Variants in NAV2 observed in about 807,000 individuals in gnomAD.
NAV2 encodes the protein neuron navigator 2, also known as helicase, APC down-regulated 1.
In NAV2, 54 loss-of-function variants were observed where a neutral mutation model predicts 223.2. The observed-to-expected ratio is 0.24, with a 90% CI of 0.19 to 0.30. The LOEUF is 0.30. Among genes scored for constraint, NAV2 ranks in the 10% least tolerant of loss-of-function variants. NAV2 has a pLI of 1.00. For synonymous variants in NAV2, 1,279 were observed against 1,239.3 expected (o/e 1.03, Z -0.67); for missense variants, 2,806 against 3,147.5 (o/e 0.89, Z 2.60).
chr11:19,454,198 G>A (rs1241115838), intron 1 of NAV2, among the ~76,000 whole-genome samples: 1 of 152,194 alleles, frequency 6.6e-6, no homozygotes, highest in Non-Finnish European at 1.5e-5. Context: ...GCTGGAAGAA[G>A]GGCTGTGTCT....
intron 11 of NAV2, among the ~76,000 whole-genome samples, chr11:19,996,534 T>A (rs956195819): frequency 4.6e-5 from 7 of 152,232 alleles, no homozygotes; most frequent in African/African-American, 1.7e-4. Flanking sequence ...ATAATATTTT[T>A]CTCTGAAGGA....
intron 1 of NAV2, among the ~76,000 whole-genome samples, chr11:19,490,310 G>C (rs1385637917): frequency 6.6e-6 from 1 of 152,140 alleles, no homozygotes; most frequent in Non-Finnish European, 1.5e-5. Context: ...TTTCACAAAA[G>C]ATTTCTCTGT....
At chr11:19,658,669 GC>G (rs1226499122) in intron 1 of NAV2, among the ~76,000 whole-genome samples, 1 of 152,104 alleles carries the variant, frequency 6.6e-6, no homozygotes, top group African/African-American at 2.4e-5. Context: ...CCCCGTGCAG[GC>G]TCTGACTGGC....
At chr11:19,644,576 C>A (rs779871902) in intron 1 of NAV2, among the ~76,000 whole-genome samples, 1 of 152,242 alleles carries the variant, frequency 6.6e-6, no homozygotes, top group Non-Finnish European at 1.5e-5. Context: ...TTGAGGATCC[C>A]TCAGCCGTGG....
intron 1 of NAV2, among the ~76,000 whole-genome samples, chr11:19,670,140 T>C (rs902675036): frequency 4.6e-5 from 7 of 152,126 alleles, no homozygotes; most frequent in Non-Finnish European, 1.5e-5. Context: ...CTGTGTTGCC[T>C]CTACTAGCAC....
intron 6 of NAV2, among the ~76,000 whole-genome samples, chr11:19,914,585 C>G (rs962154267): frequency 1.3e-5 from 2 of 151,328 alleles, no homozygotes; most frequent in Non-Finnish European, 3.0e-5. Context: ...TCGCCCAGGC[C>G]GGACTGCGGA....
At position 19,892,351 on chromosome 11, in the gene NAV2, C is replaced by T; in HGVS notation, c.771-83C>T. ...ATGTCTTGGATAGTTTCTTTTGCCT[C>T]CTGCATGGTTGCAGTTCCTTCTTCC... On this transcript the variant is annotated intron_variant, in intron 5 of 37. Transcript: ENST00000349880. 2.9e-6 allele frequency: 4 copies of T among 1,356,028 alleles called. No individual in the cohort carries two copies. In the South Asian group the frequency reaches 5.7e-5, roughly 19 times the overall value. The allele number at this position is 1,356,028 out of a possible 1,614,324, so 84.0% of individuals were successfully genotyped here.
At chr11:19,656,674 C>T (rs1245441231) in intron 1 of NAV2, among the ~76,000 whole-genome samples, 2 of 152,176 alleles carry the variant, frequency 1.3e-5, no homozygotes, top group African/African-American at 2.4e-5. Flanking sequence ...CCCAGCCACA[C>T]CCACATCAAC....
chr11:20,068,530 C>A, intron 22 of NAV2, 132 bp downstream of exon 22: 1 of 705,800 alleles, frequency 1.4e-6, no homozygotes, highest in South Asian at 1.7e-5. Flanking sequence ...GCTTTGGCAT[C>A]ATGGGTGTGA....
At chr11:19,716,373 A>C (rs549914383) in intron 1 of NAV2, among the ~76,000 whole-genome samples, 13 of 152,354 alleles carry the variant, frequency 8.5e-5, no homozygotes, top group African/African-American at 3.1e-4. Context: ...TCTATTAAAA[A>C]ATGAGCATGA....
At chr11:19,393,808 C>A (rs2729859) in intron 1 of NAV2, among the ~76,000 whole-genome samples, 47,496 of 151,508 alleles carry the variant, frequency 0.31, 7,914 homozygotes, top group East Asian at 0.45. Flanking sequence ...GCAATTTGCT[C>A]GCCTTAAATT....
intron 20 of NAV2, among the ~76,000 whole-genome samples, chr11:20,062,945 G>A (rs571534228): frequency 1.2e-4 from 19 of 152,102 alleles, no homozygotes; most frequent in Non-Finnish European, 2.2e-4. Flanking sequence ...CACCCACCTC[G>A]GCCTCCCAAA....
chr11:19,850,955 G>T (rs749783491), intron 3 of NAV2, among the ~76,000 whole-genome samples: 1 of 152,196 alleles, frequency 6.6e-6, no homozygotes, highest in Admixed American at 6.5e-5. Flanking sequence ...GCCAGCTGTG[G>T]GTTGTGATAA....
chr11:19,774,745 A>G (rs567378903), intron 1 of NAV2, among the ~76,000 whole-genome samples: 2 of 152,254 alleles, frequency 1.3e-5, no homozygotes, highest in Middle Eastern at 6.8e-3. Context: ...CCTATGACCT[A>G]AGGTGTGTGA....
intron 1 of NAV2, among the ~76,000 whole-genome samples, chr11:19,413,159 C>G (rs532670562): frequency 5.9e-5 from 9 of 152,070 alleles, no homozygotes; most frequent in African/African-American, 1.9e-4. Flanking sequence ...TAACCCAATG[C>G]AAGGAAGCTA....
At chr11:19,566,505 TGAG>T (rs1286853472) in intron 1 of NAV2, among the ~76,000 whole-genome samples, 1 of 152,182 alleles carries the variant, frequency 6.6e-6, no homozygotes. Flanking sequence ...TCCATAAACT[TGAG>T]GAGTTTTGCA....
At chr11:19,770,498 G>T (rs902197334) in intron 1 of NAV2, among the ~76,000 whole-genome samples, 1 of 152,080 alleles carries the variant, frequency 6.6e-6, no homozygotes, top group Non-Finnish European at 1.5e-5. Context: ...TGAGGTGGTG[G>T]GTGGGGAGGG....
At chr11:19,817,480 TG>T (rs2059148324) in intron 1 of NAV2, among the ~76,000 whole-genome samples, 1 of 152,090 alleles carries the variant, frequency 6.6e-6, no homozygotes, top group African/African-American at 2.4e-5. Context: ...GTCCAGTGTC[TG>T]GGAATGGGGG....
intron 37 of NAV2, 62 bp downstream of exon 37, chr11:20,114,857 G>A (rs557875120): frequency 1.4e-6 from 2 of 1,478,114 alleles, no homozygotes; most frequent in Non-Finnish European, 1.9e-6. Flanking sequence ...TGTTGGGTAT[G>A]ATGCAGAGCC....
Sources: allele counts gnomAD v4.1 joint callset (sites outside exome capture counted in the v4.1 genomes callset), GRCh38; gene constraint gnomAD v4.1.1; transcripts MANE v1.5; gene names NCBI Gene and HGNC (gene_info 2026-07-23, HGNC 2026-07-21).